DENND3: variants seen among roughly 807,000 people sequenced by gnomAD.
The protein encoded by DENND3 is DENN domain containing 3.
A neutral mutation model predicts 135.1 loss-of-function variants in DENND3; 88 were observed. That is an observed-to-expected ratio of 0.65 (90% confidence interval 0.55 to 0.78). DENND3 has a LOEUF of 0.78. Among genes scored for constraint, DENND3 ranks in the 30% least tolerant of loss-of-function variants. The pLI is 0.00. For synonymous variants in DENND3, 693 were observed against 712.3 expected, an observed-to-expected ratio of 0.97 and a Z score of 0.43; for missense variants, 1,392 against 1,688.4, an observed-to-expected ratio of 0.82 and a Z score of 3.08.
At chr8:141,169,768 C>T (rs913852705) in intron 13 of DENND3, among the ~76,000 whole-genome samples, 2 of 152,252 alleles carry the variant, frequency 1.3e-5, no homozygotes, top group African/African-American at 4.8e-5. Flanking sequence ...CACCGTATGT[C>T]TGAGTTTGCA....
At chr8:141,157,692 T>G in intron 8 of DENND3, 1 of 985,900 alleles carries the variant, frequency 1.0e-6, no homozygotes, top group Non-Finnish European at 1.2e-6. Context: ...GATTTCTGAC[T>G]CTTACCTTGG....
chr8:141,173,781 C>G (rs1821967095), intron 13 of DENND3: 1 of 152,216 alleles, frequency 6.6e-6, no homozygotes, highest in African/African-American at 2.4e-5. Flanking sequence ...GGAAGGCATA[C>G]CCCAGCTCTG....
chr8:141,175,822 G>A lies in DENND3; in HGVS notation c.2535+363G>A. On this transcript the variant is annotated intron_variant, in intron 14 of 22. Transcript: ENST00000519811. This position sits in a 1 kb window ranked among gnomAD's most constrained non-coding sequence, Gnocchi z 5.4. ...GATGTTTACTGAGAAACTGCCATGT[G>A]CCAGCCACGGTGAGCTACAGTAGCT... 1 of 322,682 alleles carries A rather than the reference G, an allele frequency of 3.1e-6. No individual in the cohort carries two copies. The highest frequency in any genetic ancestry group is 6.0e-6 in the Non-Finnish European group (1 of 166,464). 20.0% of individuals were successfully genotyped at this position (322,682 alleles called of 1,614,324 possible).
chr8:141,166,519 A>G lies in DENND3; in HGVS notation c.1753+130A>G. 1.0e-6 allele frequency: 1 copy of G among 995,444 alleles called. No individual in the cohort carries two copies. 61.7% of individuals were successfully genotyped at this position (995,444 alleles called of 1,614,324 possible). On this transcript the variant is annotated intron_variant, in intron 12 of 22. Transcript: ENST00000519811. The surrounding 1 kb of genome is among the most constrained non-coding windows in gnomAD (Gnocchi z 4.3). Reference sequence around the variant, plus strand: ...TTGTTTTAGCAGCTGAGTTATTTGAAATGTTTAGAATATTCATTTTGCCAA... The same window carrying G: ...TTGTTTTAGCAGCTGAGTTATTTGAGATGTTTAGAATATTCATTTTGCCAA...
chr8:141,145,038 C>G (rs773665171), intron 5 of DENND3, among the ~76,000 whole-genome samples: 3 of 152,244 alleles, frequency 2.0e-5, no homozygotes, highest in Non-Finnish European at 4.4e-5. Flanking sequence ...TCTATTCATG[C>G]AGCCAGGCCT....
chr8:141,183,736 G>GTT (rs770129781), intron 17 of DENND3, among the ~76,000 whole-genome samples: 8 of 121,808 alleles, frequency 6.6e-5, no homozygotes, highest in African/African-American at 1.5e-4. Context: ...TTTTTGTTTT[G>GTT]TTTTTTTTTT....
intron 20 of DENND3, chr8:141,191,513 C>T (rs13261781): frequency 0.18 from 27,621 of 152,284 alleles, 2,674 homozygotes; most frequent in African/African-American, 0.22. Context: ...GCAGCTTCCA[C>T]GCCACCCGCA....
chr8:141,189,004 G>C lies in DENND3; in HGVS notation c.3103G>C (p.Asp1035His). The C allele has an allele frequency of 6.2e-7, 1 of 1,613,700 alleles. No individual in the cohort carries two copies. The highest frequency in any genetic ancestry group is 8.5e-7 in the Non-Finnish European group (1 of 1,179,866). Reference sequence around the variant, plus strand: ...CTGTTAGAACTGCATGGTGATGGCCGACCAGAACCAGGTGTGGGTTGGCTC... The same window carrying C: ...CTGTTAGAACTGCATGGTGATGGCCCACCAGAACCAGGTGTGGGTTGGCTC... ...TAKVNCMVMA[D>H]QNQVWVGSED... Residue 1035 changes from aspartate to histidine, a missense_variant, in exon 19 of 23, where the codon GAC (aspartate) becomes CAC (histidine). Coordinates refer to ENST00000519811, the MANE Select transcript of DENND3 (RefSeq NM_001352890.3).
chr8:141,186,636 C>T (rs28459314), intron 18 of DENND3, among the ~76,000 whole-genome samples: 6,415 of 152,238 alleles, frequency 0.042, 312 homozygotes, highest in African/African-American at 0.12. Flanking sequence ...GAGTGCACAC[C>T]CCTGATTTAA....
In DENND3 at chr8:141,141,563, A is replaced by C. The variant is rs1442982899; in HGVS notation, c.623+239A>C. 1.8e-6 allele frequency: 1 copy of C among 544,666 alleles called. No individual in the cohort carries two copies. Among genetic ancestry groups the C allele is most frequent in the Non-Finnish European group, 3.3e-6 (1 of 303,458 alleles). The allele number at this position is 544,666 out of a possible 1,614,324, so 33.7% of individuals were successfully genotyped here. On this transcript the variant is annotated intron_variant, in intron 4 of 22. Transcript: ENST00000519811. This position sits in a 1 kb window ranked among gnomAD's most constrained non-coding sequence, Gnocchi z 5.3. Reference sequence around the variant, plus strand: ...GTGGCAGCGGGCGCTCCTCTCTGTGACTGGTAACATACGGTAATGGCATGG... The same window carrying C: ...GTGGCAGCGGGCGCTCCTCTCTGTGCCTGGTAACATACGGTAATGGCATGG...
intron 8 of DENND3, 151 bp from the exon 9 acceptor site, chr8:141,160,481 C>G: frequency 1.0e-6 from 1 of 996,730 alleles, no homozygotes; most frequent in Non-Finnish European, 1.3e-6. Flanking sequence ...CGTCCAGCCC[C>G]AGTGATGTAC....
At position 141,137,538 on chromosome 8, in the gene DENND3, C is replaced by T. The variant is rs921412588; in HGVS notation, c.386-484C>T. Reference sequence around the variant, plus strand: ...CCTCTCCCTTCCACCTCCCGTTTTCCGTTTCACTGGGGCAAGAAGCACAGG... The same window carrying T: ...CCTCTCCCTTCCACCTCCCGTTTTCTGTTTCACTGGGGCAAGAAGCACAGG... On this transcript the variant is annotated intron_variant, in intron 2 of 22. Coordinates refer to ENST00000519811, the MANE Select transcript of DENND3 (RefSeq NM_001352890.3). This position sits in a 1 kb window ranked among gnomAD's most constrained non-coding sequence, Gnocchi z 4.1. Among the ~76,000 whole-genome samples, 1 of 152,212 alleles carries T rather than the reference C, an allele frequency of 6.6e-6. No individual in the cohort carries two copies. The highest frequency in any genetic ancestry group is 1.9e-4 in the East Asian group (1 of 5,206).
At chr8:141,184,672 G>T (rs773757503) in intron 17 of DENND3, 56 of 156,286 alleles carry the variant, frequency 3.6e-4, no homozygotes, top group Non-Finnish European at 6.1e-4. Context: ...TAAAAAGATG[G>T]ACGGACGCCA....
rs763400577 is a variant in DENND3 at position 141,182,567 on chromosome 8, G to A, written c.2944+1713G>A. 25 of 893,782 alleles carry A rather than the reference G, an allele frequency of 2.8e-5. No individual in the cohort carries two copies. Among genetic ancestry groups the A allele is most frequent in the South Asian group, 2.1e-4 (4 of 19,448 alleles). 55.4% of individuals were successfully genotyped at this position (893,782 alleles called of 1,614,324 possible). On this transcript the variant is annotated intron_variant, in intron 17 of 22. Transcript: ENST00000519811. The surrounding 1 kb of genome is among the most constrained non-coding windows in gnomAD (Gnocchi z 5.9). ...GTTGTGACGGGCGAGGAGTTCAGGC[G>A]GCTTCCCCTCCAGGAGCATCTCGAA... is the stretch of plus-strand genomic sequence containing the variant.
intron 22 of DENND3, chr8:141,192,868 A>G (rs900625842): frequency 2.0e-6 from 3 of 1,524,828 alleles, no homozygotes; most frequent in Admixed American, 2.0e-5. Context: ...TGGTCCAAGC[A>G]CTCCACAGCG....
At chr8:141,165,939 C>T (rs1820732713) in intron 11 of DENND3, among the ~76,000 whole-genome samples, 1 of 152,130 alleles carries the variant, frequency 6.6e-6, no homozygotes, top group African/African-American at 2.4e-5. Flanking sequence ...TCTTCCTGAG[C>T]CCCCTCCAAC....
rs1354646703 is a variant in DENND3, at chr8:141,182,091, A to T, written c.2944+1237A>T. ...GATTACAGGTGTGAGCCACTGCGCCAGCCCAGAAGGGATTTTTAAAATTGT... is the reference window on the plus strand; with the variant it reads ...GATTACAGGTGTGAGCCACTGCGCCTGCCCAGAAGGGATTTTTAAAATTGT... On this transcript the variant is annotated intron_variant, in intron 17 of 22. Coordinates refer to ENST00000519811, the MANE Select transcript of DENND3 (RefSeq NM_001352890.3). This position sits in a 1 kb window ranked among gnomAD's most constrained non-coding sequence, Gnocchi z 5.9. Among the ~76,000 whole-genome samples, 1 of 152,180 alleles carries T rather than the reference A, an allele frequency of 6.6e-6. No homozygotes were observed. Among genetic ancestry groups the T allele is most frequent in the Non-Finnish European group, 1.5e-5 (1 of 68,028 alleles).
chr8:141,148,921 T>G (rs1818462801), intron 5 of DENND3, among the ~76,000 whole-genome samples: 1 of 152,282 alleles, frequency 6.6e-6, no homozygotes, highest in Non-Finnish European at 1.5e-5. Flanking sequence ...CTGCCTTTTT[T>G]TTTTTTTGAG....
chr8:141,188,825 A>T, intron 18 of DENND3, 161 bp from the exon 19 acceptor site: 1 of 854,380 alleles, frequency 1.2e-6, no homozygotes, highest in Non-Finnish European at 1.8e-6. Flanking sequence ...TGGGTGGATG[A>T]CAACGTCAGG....
Sources: gnomAD v4.1 joint callset for allele counts (sites outside exome capture counted in the v4.1 genomes callset) on GRCh38, gnomAD v4.1.1 for gene constraint, Gnocchi (gnomAD v3.1) non-coding constraint, MANE v1.5 for transcripts, NCBI Gene and HGNC (gene_info 2026-07-23, HGNC 2026-07-21) for gene names.